SEM1: variants seen among roughly 807,000 people sequenced by gnomAD.
SEM1 encodes the protein 26S proteasome complex subunit SEM1.
A neutral mutation model predicts 12.7 loss-of-function variants in SEM1; 3 were observed. The ratio of observed to expected loss-of-function variants is 0.24; its 90% CI spans 0.11 to 0.61. SEM1 has a LOEUF of 0.61. Ranked by LOEUF, SEM1 falls within the 20% of genes least tolerant of loss-of-function variation. The probability of loss-of-function intolerance (pLI) is 0.88; values close to 1 mark genes in which losing one functional copy is unlikely to be tolerated. For missense variants in SEM1, 59 were observed against 81.3 expected (o/e 0.73, Z 1.06); for synonymous variants, 30 against 27.8 (o/e 1.08, Z -0.25).
intron 2 of SEM1, among the ~76,000 whole-genome samples, chr7:96,617,259 T>C (rs976335205): frequency 6.6e-6 from 1 of 152,188 alleles, no homozygotes; most frequent in African/African-American, 2.4e-5. Context: ...TAGAGATCTT[T>C]CACCTCCCTG....
chr7:96,521,603 C>T lies in SEM1; in HGVS notation c.171-14905G>A, dbSNP rs533698606. Among the ~76,000 whole-genome samples, 187 of 152,240 alleles carry T rather than the reference C, an allele frequency of 1.2e-3. 1 individual carries two copies. In the Middle Eastern group the frequency reaches 0.017, roughly 14 times the overall value. On this transcript the variant is annotated intron_variant and NMD_transcript_variant, in intron 2 of 3. Coordinates refer to the SEM1 transcript ENST00000466986. ...CACACACAACTCGGCACGGTATTTT[C>T]GGTCAGGTCACAACTGCGTAATGGG...
downstream of SEM1, among the ~76,000 whole-genome samples, chr7:96,670,378 ATAATATACTCTTTTTTAACCACCCAGT>A (rs1252111195): frequency 1.3e-5 from 2 of 152,302 alleles, no homozygotes; most frequent in East Asian, 3.9e-4. Flanking sequence ...ATACTGCTTT[ATAATATACTCTTTTTTAACCACCCAGT>A]GACAGAGAAG....
intron 2 of SEM1, chr7:96,558,193 C>G (rs528950047): frequency 6.5e-6 from 1 of 153,530 alleles, no homozygotes; most frequent in Non-Finnish European, 1.4e-5. Flanking sequence ...TGTTCCTATT[C>G]GGCCATCTTG....
intron 2 of SEM1, among the ~76,000 whole-genome samples, chr7:96,646,773 T>A (rs928974972): frequency 6.6e-6 from 1 of 152,180 alleles, no homozygotes; most frequent in Non-Finnish European, 1.5e-5. Context: ...AAAGATACAA[T>A]TGGATCCCCA....
chr7:96,648,932 C>T (rs1372836034), intron 2 of SEM1, among the ~76,000 whole-genome samples: 1 of 152,138 alleles, frequency 6.6e-6, no homozygotes, highest in Non-Finnish European at 1.5e-5. Flanking sequence ...ATGTTTTTTT[C>T]CCCTGCCTGG....
In SEM1 at chr7:96,659,715, C is replaced by T. The variant is rs186664124; in HGVS notation, c.170+35083G>A. On this transcript the variant is annotated intron_variant, in intron 2 of 2. Coordinates refer to the SEM1 transcript ENST00000417009. ...TCCCAGTGAAAAACTATTGGTATTG[C>T]TTACTAATTTTGTTAAGCTTACTTG... 1.6e-4 allele frequency among the ~76,000 whole-genome samples: 25 copies of T among 151,928 alleles called. 1 individual carries two copies. The highest frequency in any genetic ancestry group is 6.5e-5 in the Admixed American group (1 of 15,276).
chr7:96,679,856 T>C (rs933136273), intron 2 of SEM1, among the ~76,000 whole-genome samples: 2 of 152,126 alleles, frequency 1.3e-5, no homozygotes, highest in Admixed American at 6.6e-5. Flanking sequence ...TTATAGCAAA[T>C]ATTTAAGACA....
At chr7:96,508,997 T>A (rs1584722452) in intron 2 of SEM1, among the ~76,000 whole-genome samples, 1 of 151,196 alleles carries the variant, frequency 6.6e-6, no homozygotes, top group Non-Finnish European at 1.5e-5. Context: ...ACACAACTTT[T>A]TTTTTTTTTT....
At chr7:96,684,493 G>A (rs1203914298), downstream of SEM1, among the ~76,000 whole-genome samples, 1 of 151,974 alleles carries the variant, frequency 6.6e-6, no homozygotes, top group Admixed American at 6.6e-5. Context: ...CAGGGGAGAT[G>A]AGGATTCATT....
rs867950676 is a variant in SEM1 at position 96,559,295 on chromosome 7, T to G, written c.171-52597A>C. ...TCCCACCCCCTAAACAAATGAATTATTTTTTGAGACAAGGCCTCACTCTGT... is the reference window on the plus strand; with the variant it reads ...TCCCACCCCCTAAACAAATGAATTAGTTTTTGAGACAAGGCCTCACTCTGT... On this transcript the variant is annotated intron_variant and NMD_transcript_variant, in intron 2 of 3. Transcript: ENST00000466986. 1.4e-4 allele frequency among the ~76,000 whole-genome samples: 21 copies of G among 152,324 alleles called. No homozygotes were observed. In the Middle Eastern group the frequency reaches 0.01, roughly 74 times the overall value.
At chr7:96,531,255 G>C (rs1307842881) in intron 2 of SEM1, among the ~76,000 whole-genome samples, 2 of 151,788 alleles carry the variant, frequency 1.3e-5, no homozygotes, top group Non-Finnish European at 2.9e-5. Context: ...GTGAGATCAA[G>C]GCTCATGGCT....
At chr7:96,591,728 G>A (rs1229673758) in intron 2 of SEM1, among the ~76,000 whole-genome samples, 1 of 152,006 alleles carries the variant, frequency 6.6e-6, no homozygotes, top group Non-Finnish European at 1.5e-5. Flanking sequence ...TGAACATAGA[G>A]GGCTATTCCT....
intron 2 of SEM1, among the ~76,000 whole-genome samples, chr7:96,665,231 A>G (rs768531566): frequency 5.3e-5 from 8 of 152,068 alleles, no homozygotes; most frequent in Non-Finnish European, 1.2e-4. Context: ...TAGCTTTCCA[A>G]ATCCCAGAGG....
chr7:96,606,075 T>C (rs1226977726), intron 2 of SEM1, among the ~76,000 whole-genome samples: 1 of 152,214 alleles, frequency 6.6e-6, no homozygotes, highest in Admixed American at 6.5e-5. Flanking sequence ...AAAGTAGCAA[T>C]GTTGGCATAT....
At chr7:96,512,260 G>A (rs1019557889) in intron 2 of SEM1, among the ~76,000 whole-genome samples, 3 of 152,108 alleles carry the variant, frequency 2.0e-5, no homozygotes, top group Non-Finnish European at 2.9e-5. Flanking sequence ...CAGTCTAGGT[G>A]AGATGACAAA....
Position 96,483,647 on chromosome 7 carries a change from C to G in SEM1, c.*212G>C, listed in dbSNP as rs1802632819. The G allele has an allele frequency of 8.7e-6, 5 of 572,510 alleles. No individual in the cohort carries two copies. The Admixed American group carries it at 1.4e-4, about 16-fold the overall frequency. 35.5% of individuals were successfully genotyped at this position (572,510 alleles called of 1,614,324 possible). On this transcript the variant is annotated 3_prime_UTR_variant, in exon 4 of 4. Transcript: ENST00000356686. ...GTTGTGATGACAGAGGGAAAGAGCA[C>G]TAGAATATGTATTAACAATTAAATG... is the stretch of plus-strand genomic sequence containing the variant.
At chr7:96,595,163 A>AT (rs1215673624) in intron 2 of SEM1, among the ~76,000 whole-genome samples, 2 of 151,814 alleles carry the variant, frequency 1.3e-5, no homozygotes, top group Non-Finnish European at 2.9e-5. Context: ...ACTAGGTAAT[A>AT]TTTTTTTTAA....
chr7:96,696,987 A>G (rs1209468272), intron 1 of SEM1: 1 of 151,758 alleles, frequency 6.6e-6, no homozygotes, highest in African/African-American at 2.4e-5. Context: ...AAATATAACC[A>G]AACAATGATA....
chr7:96,591,579 GA>G (rs1405966438), intron 2 of SEM1, among the ~76,000 whole-genome samples: 10 of 152,140 alleles, frequency 6.6e-5, no homozygotes, highest in African/African-American at 1.9e-4. Context: ...ATATAAAACT[GA>G]TGATTTCATC....
Sources: gnomAD v4.1 joint callset for allele counts (sites outside exome capture counted in the v4.1 genomes callset) on GRCh38, gnomAD v4.1.1 for gene constraint, MANE v1.5 for transcripts, NCBI Gene and HGNC (gene_info 2026-07-23, HGNC 2026-07-21) for gene names.